Variants in METTL16 observed in about 807,000 individuals in gnomAD.
METTL16 encodes methyltransferase 16, RNA N6-adenosine.
In METTL16, 19 loss-of-function variants were observed where a neutral mutation model predicts 57.9. The observed-to-expected ratio is 0.33, with a 90% CI of 0.23 to 0.48. METTL16 has a LOEUF of 0.48. Ranked by LOEUF, METTL16 falls within the 20% of genes least tolerant of loss-of-function variation. METTL16 has a pLI of 0.99. For missense variants in METTL16, 434 were observed against 691.5 expected, an observed-to-expected ratio of 0.63 and a Z score of 4.18; for synonymous variants, 246 against 255.6, an observed-to-expected ratio of 0.96 and a Z score of 0.36.
chr17:2,463,896 G>A (rs2067171578), intron 6 of METTL16, among the ~76,000 whole-genome samples: 1 of 151,944 alleles, frequency 6.6e-6, no homozygotes, highest in South Asian at 2.1e-4. Flanking sequence ...GGAGGTCGAG[G>A]CAGGCAGATC....
intron 7 of METTL16, among the ~76,000 whole-genome samples, chr17:2,440,065 T>G (rs2066936295): frequency 6.6e-6 from 1 of 152,164 alleles, no homozygotes; most frequent in African/African-American, 2.4e-5. Flanking sequence ...TGAACTAGTC[T>G]GGGCAACACA....
chr17:2,464,166 T>C (rs2067173203), intron 6 of METTL16, 42 bp downstream of exon 6: 1 of 1,582,810 alleles, frequency 6.3e-7, no homozygotes, highest in African/African-American at 1.4e-5. Flanking sequence ...TAAATATTCC[T>C]GTGTTGTAAA....
chr17:2,504,570 T>A (rs932069308), intron 1 of METTL16, among the ~76,000 whole-genome samples: 1 of 152,132 alleles, frequency 6.6e-6, no homozygotes, highest in African/African-American at 2.4e-5. Context: ...GTTTTGTTTG[T>A]TCTGAGACAG....
chr17:2,475,307 G>A (rs1269928890), intron 3 of METTL16: 3 of 152,198 alleles, frequency 2.0e-5, no homozygotes, highest in African/African-American at 4.8e-5. Flanking sequence ...TACCTGCGGG[G>A]CAGTGAGGGA....
At chr17:2,473,376 G>T in intron 4 of METTL16, 148 bp downstream of exon 4, 2 of 695,506 alleles carry the variant, frequency 2.9e-6, no homozygotes, top group Non-Finnish European at 4.5e-6. Flanking sequence ...GTTAATTCTG[G>T]TATCAAGACA....
chr17:2,489,823 A>G (rs914933586), intron 2 of METTL16, among the ~76,000 whole-genome samples: 1 of 152,028 alleles, frequency 6.6e-6, no homozygotes, highest in Non-Finnish European at 1.5e-5. Flanking sequence ...AAAGAAAAAT[A>G]AGTCCAGTGA....
chr17:2,448,808 A>T (rs1332133933), intron 6 of METTL16, among the ~76,000 whole-genome samples: 4,446 of 124,486 alleles, frequency 0.036, 384 homozygotes, highest in African/African-American at 0.18. Context: ...AATTTAAAAA[A>T]AAAAAAAAAA....
At chr17:2,429,247 G>A (rs1256679081) in intron 8 of METTL16, among the ~76,000 whole-genome samples, 1 of 146,502 alleles carries the variant, frequency 6.8e-6, no homozygotes, top group African/African-American at 2.6e-5. Context: ...GGAGTGCAGT[G>A]GTACGATCTT....
At chr17:2,427,634 G>C (rs748013519) in intron 8 of METTL16, among the ~76,000 whole-genome samples, 2 of 151,980 alleles carry the variant, frequency 1.3e-5, no homozygotes, top group African/African-American at 4.8e-5. Flanking sequence ...TTAAGAGATA[G>C]GGTCTTCTGT....
intron 8 of METTL16, among the ~76,000 whole-genome samples, chr17:2,435,936 C>T (rs1157679483): frequency 4.6e-5 from 7 of 152,122 alleles, no homozygotes; most frequent in African/African-American, 1.7e-4. Flanking sequence ...GTTTTGTTAA[C>T]ACAGAAGCAG....
intron 6 of METTL16, among the ~76,000 whole-genome samples, chr17:2,445,267 C>T (rs898246300): frequency 5.3e-5 from 8 of 152,134 alleles, no homozygotes; most frequent in Admixed American, 3.3e-4. Flanking sequence ...ACATGCCGTA[C>T]AGGTTTGTAG....
chr17:2,447,715 G>GC (rs2067017123), intron 6 of METTL16, among the ~76,000 whole-genome samples: 1 of 141,894 alleles, frequency 7.0e-6, no homozygotes, highest in East Asian at 2.2e-4. Flanking sequence ...GGGGGGGTCA[G>GC]CCCCCCGCCC....
At chr17:2,423,609 T>C (rs1449726210) in intron 8 of METTL16, among the ~76,000 whole-genome samples, 2 of 152,096 alleles carry the variant, frequency 1.3e-5, no homozygotes, top group African/African-American at 4.8e-5. Context: ...TCAAAGGCCA[T>C]GACCATGGAG....
intron 3 of METTL16, 144 bp from the exon 4 acceptor site, chr17:2,473,808 G>A (rs532037809): frequency 2.8e-5 from 22 of 792,512 alleles, no homozygotes; most frequent in Non-Finnish European, 3.7e-5. Context: ...GTGTGATCAC[G>A]GTTCACTGCA....
At chr17:2,470,247 CACT>C (rs952735687) in intron 4 of METTL16, among the ~76,000 whole-genome samples, 3 of 151,624 alleles carry the variant, frequency 2.0e-5, no homozygotes, top group African/African-American at 7.3e-5. Flanking sequence ...AGCCTTTCAG[CACT>C]ATGTTTAGGG....
intron 5 of METTL16, among the ~76,000 whole-genome samples, chr17:2,467,140 G>A (rs554408964): frequency 6.6e-6 from 1 of 152,176 alleles, no homozygotes; most frequent in African/African-American, 2.4e-5. Flanking sequence ...CTGAATCCAC[G>A]ATGCGGAACC....
At chr17:2,504,543 G>A (rs2067515468) in intron 1 of METTL16, among the ~76,000 whole-genome samples, 1 of 152,038 alleles carries the variant, frequency 6.6e-6, no homozygotes, top group Non-Finnish European at 1.5e-5. Flanking sequence ...GAGGTTAGTT[G>A]TGTTTTGTTT....
intron 1 of METTL16, among the ~76,000 whole-genome samples, chr17:2,507,262 G>A (rs1320026590): frequency 2.1e-5 from 3 of 144,820 alleles, no homozygotes; most frequent in African/African-American, 5.2e-5. Flanking sequence ...GCCTCTGCCC[G>A]GCCGCCTCTA....
chr17:2,491,353 T>TA (rs1567903928), intron 2 of METTL16, among the ~76,000 whole-genome samples: 1 of 152,230 alleles, frequency 6.6e-6, no homozygotes, highest in Non-Finnish European at 1.5e-5. Context: ...AATACAGTAT[T>TA]ACCATTACAG....
Sources: allele counts gnomAD v4.1 joint callset (sites outside exome capture counted in the v4.1 genomes callset), GRCh38; gene constraint gnomAD v4.1.1; transcripts MANE v1.5; gene names NCBI Gene and HGNC (gene_info 2026-07-23, HGNC 2026-07-21).